ZNF407: variants seen among roughly 807,000 people sequenced by gnomAD.
ZNF407 encodes the protein zinc finger protein 407.
A neutral mutation model predicts 131.2 loss-of-function variants in ZNF407; 17 were observed. That is an observed-to-expected ratio of 0.13 (90% CI 0.09 to 0.19). The LOEUF (loss-of-function observed/expected upper bound fraction) is 0.19, where lower values mean the gene tolerates loss of function less well. Among genes scored for constraint, ZNF407 ranks in the 10% least tolerant of loss-of-function variants. The pLI is 1.00. For missense variants in ZNF407, 2,681 were observed against 2,830.6 expected, an observed-to-expected ratio of 0.95 and a Z score of 1.20; for synonymous variants, 1,156 against 1,062.0, an observed-to-expected ratio of 1.09 and a Z score of -1.72.
At chr18:74,619,865 G>A (rs1205316520) in intron 1 of ZNF407, among the ~76,000 whole-genome samples, 1 of 151,930 alleles carries the variant, frequency 6.6e-6, no homozygotes, top group Admixed American at 6.6e-5. Flanking sequence ...TGGTTTCATC[G>A]TGATTAGTTA....
At chr18:74,997,223 A>G (rs1972789526) in intron 8 of ZNF407, among the ~76,000 whole-genome samples, 1 of 152,166 alleles carries the variant, frequency 6.6e-6, no homozygotes, top group Non-Finnish European at 1.5e-5. Context: ...GAGTTACAAA[A>G]TCGATTTCTG....
Position 75,064,588 on chromosome 18 carries a change from G to A in ZNF407, c.*120G>A, listed in dbSNP as rs1973689054. Reference sequence around the variant, plus strand: ...AACCATGAGGACAAGGCTCCCGTGAGCTCTGAGCATGCCCTCCCAGCGAGA... The same window carrying A: ...AACCATGAGGACAAGGCTCCCGTGAACTCTGAGCATGCCCTCCCAGCGAGA... On this transcript the variant is annotated 3_prime_UTR_variant, in exon 9 of 9. Coordinates refer to ENST00000299687, the MANE Select transcript of ZNF407 (RefSeq NM_017757.3). 6.3e-6 allele frequency: 6 copies of A among 956,092 alleles called. No individual in the cohort carries two copies. Among genetic ancestry groups the A allele is most frequent in the Non-Finnish European group, 1.5e-6 (1 of 672,348 alleles). 59.2% of individuals were successfully genotyped at this position (956,092 alleles called of 1,614,324 possible). A position where few individuals can be genotyped will look rare whatever the true frequency, so the allele number is the denominator to read the frequency against.
chr18:74,714,765 C>T (rs1308474392), intron 3 of ZNF407, among the ~76,000 whole-genome samples: 1 of 152,120 alleles, frequency 6.6e-6, no homozygotes, highest in Non-Finnish European at 1.5e-5. Flanking sequence ...TTAGTTTTCT[C>T]ATAGTATCAG....
intron 8 of ZNF407, among the ~76,000 whole-genome samples, chr18:74,951,388 C>T (rs1297540952): frequency 1.3e-5 from 2 of 152,162 alleles, no homozygotes; most frequent in African/African-American, 4.8e-5. Context: ...TCAACATTGT[C>T]CCTCTGTTGA....
At chr18:75,001,452 G>A (rs966055748) in intron 8 of ZNF407, among the ~76,000 whole-genome samples, 2 of 152,172 alleles carry the variant, frequency 1.3e-5, no homozygotes, top group East Asian at 3.9e-4. Flanking sequence ...TTAGACAACA[G>A]TTAACAGTCC....
intron 7 of ZNF407, among the ~76,000 whole-genome samples, chr18:74,916,426 T>C (rs866792855): frequency 2.8e-5 from 4 of 142,072 alleles, no homozygotes; most frequent in South Asian, 2.2e-4. Flanking sequence ...TGTGTGTGTG[T>C]GTGCATGTGT....
intron 8 of ZNF407, among the ~76,000 whole-genome samples, chr18:74,924,069 A>T (rs773232147): frequency 6.6e-6 from 1 of 152,224 alleles, no homozygotes; most frequent in Non-Finnish European, 1.5e-5. Context: ...TCACAGTCTT[A>T]TCACTGGATG....
chr18:74,852,416 A>AT (rs1339531545), intron 4 of ZNF407, among the ~76,000 whole-genome samples: 2 of 152,096 alleles, frequency 1.3e-5, no homozygotes, highest in Non-Finnish European at 2.9e-5. Context: ...AACTAAGATA[A>AT]TTTTCACATT....
intron 8 of ZNF407, among the ~76,000 whole-genome samples, chr18:74,957,707 A>G (rs1029320842): frequency 2.6e-5 from 4 of 152,130 alleles, no homozygotes; most frequent in African/African-American, 9.7e-5. Flanking sequence ...CGTAATGGGA[A>G]GCTCTTTACA....
chr18:75,057,071 G>A (rs777112602), intron 8 of ZNF407, among the ~76,000 whole-genome samples: 2 of 152,112 alleles, frequency 1.3e-5, no homozygotes, highest in South Asian at 4.1e-4. Flanking sequence ...TAATCGCATC[G>A]TATTCAAGGT....
At chr18:75,039,628 T>C (rs1973349121) in intron 8 of ZNF407, among the ~76,000 whole-genome samples, 1 of 152,172 alleles carries the variant, frequency 6.6e-6, no homozygotes, top group South Asian at 2.1e-4. Context: ...ATCATTTGTT[T>C]TAAATGTTTT....
Position 74,731,574 on chromosome 18 carries a change from C to G in ZNF407, c.4803-49854C>G, listed in dbSNP as rs571364074. Among the ~76,000 whole-genome samples, 4 of 152,270 alleles carry G rather than the reference C, an allele frequency of 2.6e-5. No individual in the cohort carries two copies. In the South Asian group the frequency reaches 8.3e-4, roughly 32 times the overall value. On this transcript the variant is annotated intron_variant, in intron 3 of 8. Coordinates refer to ENST00000299687, the MANE Select transcript of ZNF407 (RefSeq NM_017757.3). ...AATGACTAATTAGGAGTAATGAAGT[C>G]AGAAAACTTTAATTTTGACATCTTG...
chr18:75,038,602 G>A (rs889719960), intron 8 of ZNF407, among the ~76,000 whole-genome samples: 2 of 152,136 alleles, frequency 1.3e-5, no homozygotes, highest in African/African-American at 4.8e-5. Flanking sequence ...TGTAAAGGAA[G>A]GGAAGCACCA....
chr18:74,666,692 A>G (rs886359005), intron 3 of ZNF407, among the ~76,000 whole-genome samples: 1 of 152,182 alleles, frequency 6.6e-6, no homozygotes, highest in African/African-American at 2.4e-5. Context: ...TTGCTGGGTA[A>G]CAAACTCCCA....
intron 8 of ZNF407, among the ~76,000 whole-genome samples, chr18:75,025,650 G>T (rs1973162344): frequency 6.6e-6 from 1 of 152,130 alleles, no homozygotes; most frequent in African/African-American, 2.4e-5. Context: ...TGTTATAAAA[G>T]CAGTTTCTTT....
chr18:74,967,295 A>G (rs1322339445), intron 8 of ZNF407, among the ~76,000 whole-genome samples: 2 of 152,198 alleles, frequency 1.3e-5, no homozygotes, highest in African/African-American at 2.4e-5. Flanking sequence ...TAAAGTATAA[A>G]TCTTTCATAA....
At chr18:74,837,893 AC>A (rs1260623776) in intron 4 of ZNF407, among the ~76,000 whole-genome samples, 2 of 152,188 alleles carry the variant, frequency 1.3e-5, no homozygotes, top group African/African-American at 4.8e-5. Flanking sequence ...AGCTCAAGCG[AC>A]CTGCCCATCT....
chr18:75,037,990 C>T (rs1973329352), intron 8 of ZNF407, among the ~76,000 whole-genome samples: 4 of 152,196 alleles, frequency 2.6e-5, no homozygotes, highest in South Asian at 2.1e-4. Flanking sequence ...TAACATCTCT[C>T]TTTATAACTA....
rs1245249201 is a variant in ZNF407 at position 74,632,781 on chromosome 18, C to T, written c.1762C>T (p.Leu588=). The change falls in exon 2 of 9, where the codon CTG becomes TTG. Residue 588 remains leucine (L), a synonymous_variant. Transcript: ENST00000299687. ...SNQHQQTASV[L]SCQCCSFISL... ...CCAGCATCAGCAAACTGCTTCTGTC[C>T]TGAGTTGTCAGTGTTGTTCATTTAT... 4 of 1,613,880 alleles carry T rather than the reference C, an allele frequency of 2.5e-6. No homozygotes were observed. Among genetic ancestry groups the T allele is most frequent in the Non-Finnish European group, 3.4e-6 (4 of 1,179,872 alleles).
Sources: allele counts gnomAD v4.1 joint callset (sites outside exome capture counted in the v4.1 genomes callset), GRCh38; gene constraint gnomAD v4.1.1; transcripts MANE v1.5; gene names NCBI Gene and HGNC (gene_info 2026-07-23, HGNC 2026-07-21).